Variants in UGT1A6 observed in about 807,000 individuals in gnomAD.
UGT1A6 encodes the protein UDP-glucuronosyltransferase 1A6.
In UGT1A6, 32 loss-of-function variants were observed where a neutral mutation model predicts 44.4. The observed-to-expected ratio is 0.72, with a 90% CI of 0.54 to 0.97. The LOEUF (loss-of-function observed/expected upper bound fraction) is 0.97, where lower values mean the gene tolerates loss of function less well. Ranked by LOEUF, UGT1A6 falls within the 50% of genes least tolerant of loss-of-function variation. The pLI, the probability that UGT1A6 is intolerant of heterozygous loss-of-function variation, is 0.00. For missense variants in UGT1A6, 685 were observed against 661.9 expected (o/e 1.03, Z -0.38); for synonymous variants, 238 against 248.5 (o/e 0.96, Z 0.40).
intron 1 of UGT1A6, chr2:233,740,712 A>G (rs1392705535): frequency 6.6e-6 from 1 of 151,804 alleles, no homozygotes; most frequent in Non-Finnish European, 1.5e-5. Context: ...CAAGAGGGTC[A>G]TCTTTGCACC....
intron 1 of UGT1A6, chr2:233,744,153 G>A (rs1282239718): frequency 6.6e-6 from 2 of 302,660 alleles, no homozygotes; most frequent in Non-Finnish European, 1.3e-5. Flanking sequence ...TCCAAGACCA[G>A]GCCCCGCCCA....
At chr2:233,711,910 G>A (rs1432340801) in intron 1 of UGT1A6, among the ~76,000 whole-genome samples, 1 of 152,198 alleles carries the variant, frequency 6.6e-6, no homozygotes, top group East Asian at 1.9e-4. Context: ...AGACCATTGT[G>A]AGTGCTCAGG....
rs780660931 is a variant in UGT1A6, at chr2:233,767,955, A to C, written c.1081+19A>C. 173 of 1,614,006 alleles carry C rather than the reference A, an allele frequency of 1.1e-4. 2 individuals carry two copies. In the South Asian group the frequency reaches 1.6e-3, roughly 15 times the overall value. ...CTGCTTGGTATGTTGGGCGGATTGG[A>C]TGTATAGGTCAAACCAGGGTCAAAT... On this transcript the variant is annotated intron_variant, in intron 3 of 4. Coordinates refer to ENST00000305139, the MANE Select transcript of UGT1A6 (RefSeq NM_001072.4).
At chr2:233,701,809 A>T (rs552807305) in intron 1 of UGT1A6, among the ~76,000 whole-genome samples, 1 of 152,348 alleles carries the variant, frequency 6.6e-6, no homozygotes, top group South Asian at 2.1e-4. Flanking sequence ...GAACAAAGAC[A>T]CAACATACCA....
intron 1 of UGT1A6, among the ~76,000 whole-genome samples, chr2:233,720,993 G>A (rs776198260): frequency 1.1e-4 from 17 of 151,662 alleles, no homozygotes; most frequent in Non-Finnish European, 2.1e-4. Context: ...TTACAGGCAA[G>A]AGCCACCAAG....
intron 1 of UGT1A6, among the ~76,000 whole-genome samples, chr2:233,714,080 A>G (rs1575505988): frequency 6.6e-6 from 1 of 152,026 alleles, no homozygotes; most frequent in Admixed American, 6.6e-5. Flanking sequence ...AGGGACGAGG[A>G]TCTGTCAAAG....
intron 1 of UGT1A6, among the ~76,000 whole-genome samples, chr2:233,699,368 G>A (rs1318815561): frequency 6.6e-6 from 1 of 152,136 alleles, no homozygotes; most frequent in African/African-American, 2.4e-5. Flanking sequence ...TATTGGTATG[G>A]CTAGATTTCA....
At chr2:233,732,848 A>G (rs1171011908) in intron 1 of UGT1A6, among the ~76,000 whole-genome samples, 1 of 145,490 alleles carries the variant, frequency 6.9e-6, no homozygotes, top group African/African-American at 2.6e-5. Context: ...CAATTTTGTG[A>G]AGTCATTGGT....
intron 1 of UGT1A6, among the ~76,000 whole-genome samples, chr2:233,696,870 C>T (rs899291677): frequency 5.3e-5 from 8 of 152,160 alleles, no homozygotes; most frequent in Non-Finnish European, 8.8e-5. Context: ...TTTTCAGCAT[C>T]TACAACATAT....
chr2:233,760,934 C>A (rs907848517), intron 1 of UGT1A6: 10 of 1,614,178 alleles, frequency 6.2e-6, no homozygotes, highest in Non-Finnish European at 8.5e-6. Flanking sequence ...ATGCTCATTG[C>A]CTTTTCACAG....
chr2:233,697,019 A>G (rs2075370306), intron 1 of UGT1A6, among the ~76,000 whole-genome samples: 2 of 151,960 alleles, frequency 1.3e-5, no homozygotes, highest in South Asian at 4.1e-4. Flanking sequence ...TTCGTCAGAG[A>G]TATGGGCCCG....
intron 1 of UGT1A6, among the ~76,000 whole-genome samples, chr2:233,757,560 A>ATATGTG (rs904896556): frequency 1.6e-5 from 2 of 123,146 alleles, no homozygotes; most frequent in African/African-American, 6.8e-5. Flanking sequence ...ATATATATAT[A>ATATGTG]TGTATATATG....
At chr2:233,710,569 C>A (rs1186829016) in intron 1 of UGT1A6, among the ~76,000 whole-genome samples, 2 of 152,130 alleles carry the variant, frequency 1.3e-5, no homozygotes, top group African/African-American at 4.8e-5. Context: ...TTAAAAGGTG[C>A]CCTTTCAAAA....
Position 233,724,773 on chromosome 2 carries a change from C to T in UGT1A6, c.861+30908C>T, listed in dbSNP as rs1185900341. 1.4e-5 allele frequency among the ~76,000 whole-genome samples: 2 copies of T among 142,472 alleles called. 1 individual carries two copies. Among genetic ancestry groups the T allele is most frequent in the African/African-American group, 5.4e-5 (2 of 37,242 alleles). 93.5% of individuals were successfully genotyped at this position (142,472 alleles called of 152,430 possible). ...CAGACGATGGGCGGCCAGGCAGAGACACTCCTCACTTCCCAGACGGGGTGG... is the reference window on the plus strand; with the variant it reads ...CAGACGATGGGCGGCCAGGCAGAGATACTCCTCACTTCCCAGACGGGGTGG... On this transcript the variant is annotated intron_variant, in intron 1 of 4. Transcript: ENST00000305139.
At chr2:233,760,573 G>C (rs1208621089) in intron 1 of UGT1A6, 1 of 1,614,170 alleles carries the variant, frequency 6.2e-7, no homozygotes, top group Non-Finnish European at 8.5e-7. Flanking sequence ...TGTTAGTCTC[G>C]GGCATAATGT....
chr2:233,762,804 C>T (rs1698168354), intron 1 of UGT1A6, among the ~76,000 whole-genome samples: 1 of 151,574 alleles, frequency 6.6e-6, no homozygotes, highest in African/African-American at 2.4e-5. Context: ...TCAGCTATCT[C>T]ATCAAAATAT....
At chr2:233,754,910 C>T (rs1695636907) in intron 1 of UGT1A6, 2 of 1,353,942 alleles carry the variant, frequency 1.5e-6, no homozygotes, top group African/African-American at 3.0e-5. Flanking sequence ...CCAAAATATT[C>T]TCCAGCGGGT....
intron 1 of UGT1A6, among the ~76,000 whole-genome samples, chr2:233,701,548 T>G (rs2075635048): frequency 6.6e-6 from 1 of 152,172 alleles, no homozygotes; most frequent in African/African-American, 2.4e-5. Context: ...TACATTCTTT[T>G]CAGCACCACA....
At chr2:233,761,149 C>A (rs1575779799) in intron 1 of UGT1A6, 1 of 1,614,176 alleles carries the variant, frequency 6.2e-7, no homozygotes. Context: ...TCCACTATCC[C>A]AGGTGTGTAT....
Sources: allele counts gnomAD v4.1 joint callset (sites outside exome capture counted in the v4.1 genomes callset), GRCh38; gene constraint gnomAD v4.1.1; transcripts MANE v1.5; gene names NCBI Gene and HGNC (gene_info 2026-07-23, HGNC 2026-07-21).